Variants in PTPRM observed in about 807,000 individuals in gnomAD.
PTPRM encodes the protein receptor-type tyrosine-protein phosphatase mu.
PTPRM carries 47 observed loss-of-function variants against 186.7 expected under a neutral mutation model. The observed-to-expected ratio is 0.25, with a 90% CI of 0.20 to 0.32. The LOEUF is 0.32. PTPRM is among the 10% of genes least tolerant of loss of function. The probability of loss-of-function intolerance (pLI) is 1.00; values close to 1 mark genes in which losing one functional copy is unlikely to be tolerated. For synonymous variants in PTPRM, 668 were observed against 674.9 expected (o/e 0.99, Z 0.16); for missense variants, 1,494 against 1,865.0 (o/e 0.80, Z 3.66).
intron 2 of PTPRM, among the ~76,000 whole-genome samples, chr18:7,779,073 TA>T (rs997163450): frequency 3.3e-5 from 5 of 152,278 alleles, no homozygotes; most frequent in South Asian, 2.1e-4. Context: ...CCCTGTCTTA[TA>T]AAAAAATTAT....
chr18:8,027,479 T>G (rs929255227), intron 7 of PTPRM, among the ~76,000 whole-genome samples: 6 of 152,230 alleles, frequency 3.9e-5, no homozygotes, highest in African/African-American at 1.2e-4. Flanking sequence ...ATGTGTACAC[T>G]TGTAGGGTAA....
chr18:7,903,035 A>C (rs934724263), intron 3 of PTPRM, among the ~76,000 whole-genome samples: 15 of 152,356 alleles, frequency 9.8e-5, no homozygotes, highest in South Asian at 4.1e-4. Context: ...TTTTTAGTAG[A>C]AGCTTCAGAC....
intron 14 of PTPRM, among the ~76,000 whole-genome samples, chr18:8,192,866 G>A (rs2093726827): frequency 6.6e-6 from 1 of 152,112 alleles, no homozygotes; most frequent in Non-Finnish European, 1.5e-5. Context: ...GGAAAACTGA[G>A]CCTTAACAAC....
intron 7 of PTPRM, 152 bp downstream of exon 7, chr18:7,955,566 T>G: frequency 2.3e-6 from 2 of 879,748 alleles, no homozygotes; most frequent in Non-Finnish European, 3.3e-6. Flanking sequence ...AATAGTCAGC[T>G]AACAGCTTGT....
intron 1 of PTPRM, among the ~76,000 whole-genome samples, chr18:7,727,448 G>A (rs1419356491): frequency 6.6e-6 from 1 of 152,136 alleles, no homozygotes; most frequent in Non-Finnish European, 1.5e-5. Flanking sequence ...GATTTTAAGT[G>A]TATATACTCA....
At position 8,126,961 on chromosome 18, in the gene PTPRM, C is replaced by A. The variant is rs371606486; in HGVS notation, c.2167+12134C>A. ...ACAGGCAGAGCAAGGCCAACTGTGA[C>A]CGTGTACCTTACATTAAGGACTTTG... On this transcript the variant is annotated intron_variant, in intron 13 of 32. Transcript: ENST00000580170. Among the ~76,000 whole-genome samples, 164 of 152,020 alleles carry A rather than the reference C, an allele frequency of 1.1e-3. 1 individual carries two copies. In the South Asian group the frequency reaches 0.024, roughly 22 times the overall value.
intron 1 of PTPRM, among the ~76,000 whole-genome samples, chr18:7,693,971 G>T (rs992500370): frequency 6.6e-6 from 1 of 152,146 alleles, no homozygotes; most frequent in African/African-American, 2.4e-5. Context: ...CTGTGGTGCC[G>T]TATCTGAGCA....
intron 19 of PTPRM, among the ~76,000 whole-genome samples, chr18:8,280,317 A>C (rs1212614756): frequency 6.7e-6 from 1 of 149,864 alleles, no homozygotes; most frequent in Non-Finnish European, 1.5e-5. Flanking sequence ...TAACTTAAGT[A>C]CTTCTTTGAA....
intron 1 of PTPRM, among the ~76,000 whole-genome samples, chr18:7,765,128 C>G (rs944312937): frequency 6.6e-6 from 1 of 152,156 alleles, no homozygotes; most frequent in African/African-American, 2.4e-5. Flanking sequence ...GAAAATTTTA[C>G]TATCAATAAG....
At chr18:8,298,317 G>T (rs1287590357) in intron 20 of PTPRM, among the ~76,000 whole-genome samples, 1 of 152,194 alleles carries the variant, frequency 6.6e-6, no homozygotes, top group African/African-American at 2.4e-5. Context: ...GAGAGTCTTG[G>T]AAGTGAAGTG....
chr18:8,135,205 T>A (rs189490840), intron 13 of PTPRM, among the ~76,000 whole-genome samples: 1 of 152,308 alleles, frequency 6.6e-6, no homozygotes, highest in East Asian at 1.9e-4. Context: ...AAATGAGGAT[T>A]TGATTCCACC....
chr18:8,037,307 C>G (rs970356091), intron 7 of PTPRM, among the ~76,000 whole-genome samples: 1 of 152,134 alleles, frequency 6.6e-6, no homozygotes, highest in Non-Finnish European at 1.5e-5. Context: ...TATATCTTTA[C>G]TAAATTCCAG....
chr18:7,779,971 C>T (rs2042776818), intron 2 of PTPRM, among the ~76,000 whole-genome samples: 1 of 152,116 alleles, frequency 6.6e-6, no homozygotes, highest in Admixed American at 6.5e-5. Context: ...CCACATTTTC[C>T]CACATTTATT....
chr18:7,712,467 A>G (rs1440761312), intron 1 of PTPRM, among the ~76,000 whole-genome samples: 1 of 152,112 alleles, frequency 6.6e-6, no homozygotes, highest in African/African-American at 2.4e-5. Flanking sequence ...TTCTTATTCA[A>G]AGGATCACAA....
At chr18:7,943,062 C>T (rs908637077) in intron 5 of PTPRM, among the ~76,000 whole-genome samples, 2 of 151,944 alleles carry the variant, frequency 1.3e-5, no homozygotes, top group Admixed American at 6.6e-5. Flanking sequence ...CATCTTTCTG[C>T]GTGTTGGGTC....
At chr18:8,227,012 G>A (rs4410143) in intron 14 of PTPRM, among the ~76,000 whole-genome samples, 28,474 of 152,116 alleles carry the variant, frequency 0.19, 2,708 homozygotes, top group Non-Finnish European at 0.2. Flanking sequence ...TGGCCCACTT[G>A]GATAATTTAG....
intron 11 of PTPRM, among the ~76,000 whole-genome samples, chr18:8,093,332 C>T (rs2090851575): frequency 6.6e-6 from 1 of 150,514 alleles, no homozygotes; most frequent in African/African-American, 2.5e-5. Context: ...ATGCTTTGCA[C>T]ATACTCAGCA....
intron 7 of PTPRM, among the ~76,000 whole-genome samples, chr18:7,979,664 A>G (rs1338465903): frequency 6.6e-6 from 1 of 152,202 alleles, no homozygotes; most frequent in Non-Finnish European, 1.5e-5. Flanking sequence ...AATAGAAGAA[A>G]TGAAATACAA....
intron 19 of PTPRM, among the ~76,000 whole-genome samples, chr18:8,286,694 A>G (rs1356934712): frequency 6.6e-6 from 1 of 152,226 alleles, no homozygotes; most frequent in Non-Finnish European, 1.5e-5. Flanking sequence ...TGCTTTTAAG[A>G]GTAGGCATTG....
Sources: gnomAD v4.1 joint callset for allele counts (sites outside exome capture counted in the v4.1 genomes callset) on GRCh38, gnomAD v4.1.1 for gene constraint, MANE v1.5 for transcripts, NCBI Gene and HGNC (gene_info 2026-07-23, HGNC 2026-07-21) for gene names.